Variants in GPHN observed in about 807,000 individuals in gnomAD.
GPHN encodes gephyrin.
Under a neutral mutation model 95.5 loss-of-function variants are expected in GPHN, and 17 were observed. The ratio of observed to expected loss-of-function variants is 0.18; its 90% CI spans 0.12 to 0.27. GPHN has a LOEUF of 0.27. Ranked by LOEUF, GPHN falls within the 10% of genes least tolerant of loss-of-function variation. GPHN has a pLI of 1.00. For missense variants in GPHN, 660 were observed against 978.1 expected, an observed-to-expected ratio of 0.67 and a Z score of 4.34; for synonymous variants, 320 against 322.5, an observed-to-expected ratio of 0.99 and a Z score of 0.08.
At chr14:67,242,331 T>C in the GPHN span, among the ~76,000 whole-genome samples, 11 of 152,322 alleles carry the variant, frequency 7.2e-5, no homozygotes, top group African/African-American at 2.6e-4. Flanking sequence ...GGAGTGTGTG[T>C]TTTGTCTCCA....
intron 17 of GPHN, among the ~76,000 whole-genome samples, chr14:67,132,597 G>A (rs902299999): frequency 2.0e-5 from 3 of 151,886 alleles, no homozygotes; most frequent in Non-Finnish European, 2.9e-5. Flanking sequence ...GTTTAATGAC[G>A]AGAGGTTCTT....
the GPHN span, among the ~76,000 whole-genome samples, chr14:67,567,230 C>T: frequency 6.6e-6 from 1 of 152,154 alleles, no homozygotes; most frequent in East Asian, 1.9e-4. Flanking sequence ...GGGCAGTAAC[C>T]ATCTGGGGAG....
At chr14:66,578,323 G>A (rs1047374453) in intron 1 of GPHN, among the ~76,000 whole-genome samples, 13 of 151,624 alleles carry the variant, frequency 8.6e-5, no homozygotes, top group African/African-American at 2.7e-4. Flanking sequence ...GAATTATGGG[G>A]CAGTGAAGCA....
intron 5 of GPHN, among the ~76,000 whole-genome samples, chr14:66,913,440 C>G (rs1024493817): frequency 6.6e-6 from 1 of 152,186 alleles, no homozygotes; most frequent in African/African-American, 2.4e-5. Flanking sequence ...CTCCCAGATT[C>G]AAGCGATTCT....
intron 9 of GPHN, among the ~76,000 whole-genome samples, chr14:66,987,065 G>T (rs1366526245): frequency 6.6e-6 from 1 of 152,084 alleles, no homozygotes; most frequent in African/African-American, 2.4e-5. Flanking sequence ...AAGAAGAGGG[G>T]ATGGGAAGTG....
rs552526266 is a variant in GPHN at position 66,996,576 on chromosome 14, A to G, written c.964-27057A>G. Among the ~76,000 whole-genome samples, 4 of 152,310 alleles carry G rather than the reference A, an allele frequency of 2.6e-5. No homozygotes were observed. In the South Asian group the frequency reaches 8.3e-4, roughly 32 times the overall value. ...GGCTAAAGGCAAGATTCCAGTTTGT[A>G]TATCTATATATGTCTGTGTCTGATA... is the stretch of plus-strand genomic sequence containing the variant. On this transcript the variant is annotated intron_variant, in intron 9 of 22. Coordinates refer to ENST00000478722, the MANE Select transcript of GPHN (RefSeq NM_020806.5).
intron 1 of GPHN, among the ~76,000 whole-genome samples, chr14:66,668,054 G>C (rs1420692145): frequency 4.6e-5 from 7 of 152,210 alleles, no homozygotes; most frequent in Non-Finnish European, 1.0e-4. Flanking sequence ...CTGATCATTA[G>C]AGAAATGCAA....
At chr14:66,782,453 G>T (rs1485806320) in intron 3 of GPHN, among the ~76,000 whole-genome samples, 2 of 152,096 alleles carry the variant, frequency 1.3e-5, no homozygotes, top group Non-Finnish European at 2.9e-5. Flanking sequence ...TTCCAGCCAA[G>T]ATGGAGTAGC....
chr14:67,569,792 G>T, the GPHN span: 1 of 678,462 alleles, frequency 1.5e-6, no homozygotes. Flanking sequence ...ACAGGGCCCT[G>T]GCCCCCCTCT....
chr14:66,953,640 A>T (rs1227079983), intron 8 of GPHN, among the ~76,000 whole-genome samples: 2 of 152,194 alleles, frequency 1.3e-5, no homozygotes, highest in African/African-American at 4.8e-5. Context: ...TAAAGTTAGG[A>T]GTGCTTATTT....
the GPHN span, among the ~76,000 whole-genome samples, chr14:67,207,125 A>T: frequency 6.6e-6 from 1 of 152,216 alleles, no homozygotes; most frequent in South Asian, 2.1e-4. Flanking sequence ...TTTTAAGGAA[A>T]TGTAATAGAG....
At chr14:67,234,854 G>T in the GPHN span, among the ~76,000 whole-genome samples, 7 of 150,302 alleles carry the variant, frequency 4.7e-5, no homozygotes, top group African/African-American at 1.5e-4. Flanking sequence ...CCGGCCTACA[G>T]TTCCACACTT....
At chr14:66,608,779 C>T (rs974249903) in intron 1 of GPHN, among the ~76,000 whole-genome samples, 1 of 152,082 alleles carries the variant, frequency 6.6e-6, no homozygotes, top group Non-Finnish European at 1.5e-5. Flanking sequence ...AGTTTAAAGT[C>T]TGCCTTATCT....
intron 16 of GPHN, among the ~76,000 whole-genome samples, chr14:67,114,384 A>G (rs2078554952): frequency 6.6e-6 from 1 of 152,146 alleles, no homozygotes; most frequent in Non-Finnish European, 1.5e-5. Flanking sequence ...GGAGTTTGAG[A>G]AAGCTAAACA....
At chr14:67,032,663 C>G (rs958776216) in intron 10 of GPHN, among the ~76,000 whole-genome samples, 2 of 152,144 alleles carry the variant, frequency 1.3e-5, no homozygotes, top group Admixed American at 6.5e-5. Context: ...GAGAAACCTG[C>G]AAACCTCTCT....
chr14:67,531,806 G>A, the GPHN span, among the ~76,000 whole-genome samples: 3 of 147,766 alleles, frequency 2.0e-5, no homozygotes, highest in East Asian at 5.9e-4. Flanking sequence ...TGTTCATGAG[G>A]CTGAGATGGG....
At position 67,103,511 on chromosome 14, in the gene GPHN, CTTTTT is replaced by C; in HGVS notation, c.1293+2622_1293+2626del. ...ACGACATGGGATGCTGTTTCTTTCTCTTTTTTTTTTTTTTTTTTTTTTTTTTGTGG... is the reference window on the plus strand; with the variant it reads ...ACGACATGGGATGCTGTTTCTTTCTCTTTTTTTTTTTTTTTTTTTTTGTGG... On this transcript the variant is annotated intron_variant, in intron 13 of 22. Coordinates refer to ENST00000478722, the MANE Select transcript of GPHN (RefSeq NM_020806.5). Among the ~76,000 whole-genome samples the C allele has an allele frequency of 4.5e-4, 24 of 53,400 alleles. No individual in the cohort carries two copies. In the East Asian group the frequency reaches 7.7e-3, roughly 17 times the overall value. The allele number at this position is 53,400 out of a possible 152,430, so 35.0% of individuals were successfully genotyped here.
At chr14:67,582,241 G>A in the GPHN span, 53 of 1,613,112 alleles carry the variant, frequency 3.3e-5, no homozygotes, top group East Asian at 6.2e-4. The surrounding 1 kb of genome is among the most constrained non-coding windows in gnomAD (Gnocchi z 5.0). Context: ...CAGGAGGGTC[G>A]GGTTGCCAGC....
chr14:67,690,370 G>A, the GPHN span: 1 of 1,614,218 alleles, frequency 6.2e-7, no homozygotes, highest in Non-Finnish European at 8.5e-7. Context: ...TATCCTTGAT[G>A]GGGCTGATTC....
Sources: gnomAD v4.1 joint callset for allele counts (sites outside exome capture counted in the v4.1 genomes callset) on GRCh38, gnomAD v4.1.1 for gene constraint, Gnocchi (gnomAD v3.1) non-coding constraint, MANE v1.5 for transcripts, NCBI Gene and HGNC (gene_info 2026-07-23, HGNC 2026-07-21) for gene names.